Variants in CDH13 observed in about 807,000 individuals in gnomAD.
CDH13 encodes the protein cadherin-13.
Under a neutral mutation model 63.8 loss-of-function variants are expected in CDH13, and 24 were observed. That is an observed-to-expected ratio of 0.38 (90% CI 0.27 to 0.53). The LOEUF is 0.53. Among genes scored for constraint, CDH13 ranks in the 20% least tolerant of loss-of-function variants. CDH13 has a pLI of 0.85. For synonymous variants in CDH13, 503 were observed against 355.3 expected, an observed-to-expected ratio of 1.42 and a Z score of -4.67; for missense variants, 1,049 against 903.1, an observed-to-expected ratio of 1.16 and a Z score of -2.07.
At chr16:83,672,751 T>C (rs966059006) in intron 9 of CDH13, among the ~76,000 whole-genome samples, 2 of 152,196 alleles carry the variant, frequency 1.3e-5, no homozygotes, top group Non-Finnish European at 2.9e-5. Context: ...ATATCTATTT[T>C]CCTTGAGCTG....
chr16:83,273,830 G>A (rs747492797), intron 5 of CDH13, among the ~76,000 whole-genome samples: 6 of 152,174 alleles, frequency 3.9e-5, no homozygotes, highest in African/African-American at 1.4e-4. Flanking sequence ...CAAGCAACAT[G>A]TAAGAAAATT....
At chr16:83,759,936 T>TAAA (rs11329988) in intron 11 of CDH13, among the ~76,000 whole-genome samples, 1 of 133,376 alleles carries the variant, frequency 7.5e-6, no homozygotes, top group South Asian at 2.3e-4. Flanking sequence ...TCAAAACCAA[T>TAAA]AAAAAAAAAA....
intron 2 of CDH13, among the ~76,000 whole-genome samples, chr16:82,955,854 G>C (rs771371656): frequency 1.3e-5 from 2 of 152,146 alleles, no homozygotes; most frequent in Non-Finnish European, 2.9e-5. Flanking sequence ...TCTCCAGGAG[G>C]GGTTTGCAAT....
chr16:82,717,504 C>T (rs1215869990), intron 1 of CDH13, among the ~76,000 whole-genome samples: 2 of 150,494 alleles, frequency 1.3e-5, no homozygotes, highest in African/African-American at 2.4e-5. Flanking sequence ...TGGAAGGCAA[C>T]TTGTTTCAAT....
intron 8 of CDH13, among the ~76,000 whole-genome samples, chr16:83,663,707 C>T (rs544542774): frequency 6.6e-6 from 1 of 152,252 alleles, no homozygotes; most frequent in South Asian, 2.1e-4. Context: ...AAGTCTGTGC[C>T]AAGTTCTTTC....
chr16:82,787,662 G>T (rs955627782), intron 1 of CDH13, among the ~76,000 whole-genome samples: 3 of 152,220 alleles, frequency 2.0e-5, no homozygotes, highest in Non-Finnish European at 4.4e-5. Flanking sequence ...AGGTTGCCCA[G>T]AGAGGTGAAT....
chr16:83,106,423 C>G (rs1232816851), intron 3 of CDH13, among the ~76,000 whole-genome samples: 2 of 152,326 alleles, frequency 1.3e-5, no homozygotes, highest in South Asian at 2.1e-4. Flanking sequence ...TGCCTGTAAT[C>G]CCAGCTACCT....
intron 2 of CDH13, among the ~76,000 whole-genome samples, chr16:82,991,627 A>T (rs891422152): frequency 6.6e-5 from 10 of 152,186 alleles, no homozygotes; most frequent in Non-Finnish European, 1.3e-4. Flanking sequence ...GGGTGGGTCA[A>T]ATAAGTGATC....
chr16:83,070,855 GCCC>G lies in CDH13; in HGVS notation c.366+38648_366+38650del, dbSNP rs34273611. On this transcript the variant is annotated intron_variant, in intron 3 of 13. Transcript: ENST00000567109. The stretch of plus-strand genomic sequence containing the variant: ...TTAGGTTATACTACAGTAATAAACA[GCCC>G]CCCCCCCCCCAAATATCAATGACCT... 5.8e-3 allele frequency among the ~76,000 whole-genome samples: 713 copies of G among 121,882 alleles called. 13 individuals carry two copies. Among genetic ancestry groups the G allele is most frequent in the African/African-American group, 0.019 (638 of 34,324 alleles). 80.0% of individuals were successfully genotyped at this position (121,882 alleles called of 152,430 possible).
intron 1 of CDH13, among the ~76,000 whole-genome samples, chr16:82,710,663 A>T (rs1250426802): frequency 6.9e-6 from 1 of 145,222 alleles, no homozygotes; most frequent in Non-Finnish European, 1.5e-5. Flanking sequence ...TATTTGATTT[A>T]AAAATATACA....
intron 5 of CDH13, among the ~76,000 whole-genome samples, chr16:83,326,791 A>G (rs1197694869): frequency 6.6e-6 from 1 of 152,138 alleles, no homozygotes; most frequent in Non-Finnish European, 1.5e-5. Context: ...GTGCCAGGAG[A>G]GTCTAGAGGT....
intron 1 of CDH13, among the ~76,000 whole-genome samples, chr16:82,709,943 G>T (rs1331272422): frequency 6.6e-6 from 1 of 151,930 alleles, no homozygotes; most frequent in African/African-American, 2.4e-5. Context: ...AGGATGTGAG[G>T]TTGGATAAGC....
chr16:83,180,859 T>C (rs1264963215), intron 4 of CDH13: 4 of 1,510,876 alleles, frequency 2.6e-6, no homozygotes, highest in Admixed American at 3.9e-5. Flanking sequence ...TGTGTTTTTT[T>C]TTTCTTACAG....
intron 1 of CDH13, among the ~76,000 whole-genome samples, chr16:82,737,545 A>G (rs138985090): frequency 1.3e-5 from 2 of 152,232 alleles, no homozygotes; most frequent in African/African-American, 2.4e-5. Flanking sequence ...CACTGCCCCA[A>G]CGGTCTTGCA....
chr16:83,159,208 C>A (rs751242428), intron 4 of CDH13, among the ~76,000 whole-genome samples: 1 of 152,062 alleles, frequency 6.6e-6, no homozygotes, highest in Non-Finnish European at 1.5e-5. Context: ...AAAAAAAAGA[C>A]CATTCATCAG....
intron 8 of CDH13, among the ~76,000 whole-genome samples, chr16:83,669,872 C>T (rs1489956257): frequency 1.3e-5 from 2 of 152,174 alleles, no homozygotes; most frequent in Non-Finnish European, 2.9e-5. Context: ...AAAATATTTG[C>T]AAACACATTA....
At chr16:83,449,127 C>T (rs369722594) in intron 6 of CDH13, among the ~76,000 whole-genome samples, 1 of 152,154 alleles carries the variant, frequency 6.6e-6, no homozygotes, top group East Asian at 1.9e-4. Context: ...TTTTAAATGT[C>T]TTACATTCCT....
chr16:83,542,119 G>A (rs1470950782), intron 7 of CDH13, among the ~76,000 whole-genome samples: 4 of 152,196 alleles, frequency 2.6e-5, no homozygotes, highest in African/African-American at 4.8e-5. Flanking sequence ...TAGTCTTATT[G>A]AATTAGCATC....
At chr16:82,758,289 C>T (rs1025461403) in intron 1 of CDH13, among the ~76,000 whole-genome samples, 2 of 152,120 alleles carry the variant, frequency 1.3e-5, no homozygotes, top group African/African-American at 4.8e-5. Context: ...TGATGAGAAT[C>T]TCAGAAAACT....
Sources: allele counts gnomAD v4.1 joint callset (sites outside exome capture counted in the v4.1 genomes callset), GRCh38; gene constraint gnomAD v4.1.1; transcripts MANE v1.5; gene names NCBI Gene and HGNC (gene_info 2026-07-23, HGNC 2026-07-21).